The following ASB5 variants were observed in gnomAD, a reference collection of about 807,000 sequenced individuals.
ASB5 encodes the protein ankyrin repeat and SOCS box protein 5.
A neutral mutation model predicts 42.1 loss-of-function variants in ASB5; 45 were observed. That is an observed-to-expected ratio of 1.07 (90% CI 0.84 to 1.37). The LOEUF (loss-of-function observed/expected upper bound fraction) is 1.37. ASB5 is among the 40% of genes most tolerant of loss of function. The pLI is 0.00. For missense variants in ASB5, 402 were observed against 399.8 expected, an observed-to-expected ratio of 1.01 and a Z score of -0.05; for synonymous variants, 147 against 150.6, an observed-to-expected ratio of 0.98 and a Z score of 0.18.
At chr4:176,219,608 A>AG (rs1753141199) in intron 5 of ASB5, among the ~76,000 whole-genome samples, 1 of 122,326 alleles carries the variant, frequency 8.2e-6, no homozygotes, top group African/African-American at 3.1e-5. Flanking sequence ...ATATATATAT[A>AG]TATATATATA....
At chr4:176,253,962 C>A (rs750742129) in intron 1 of ASB5, among the ~76,000 whole-genome samples, 15 of 152,114 alleles carry the variant, frequency 9.9e-5, no homozygotes, top group Non-Finnish European at 1.9e-4. Flanking sequence ...AAATCAGTAT[C>A]GTTAAAATGG....
chr4:176,265,728 C>G (rs1486390125), intron 1 of ASB5, among the ~76,000 whole-genome samples: 1 of 152,136 alleles, frequency 6.6e-6, no homozygotes, highest in Non-Finnish European at 1.5e-5. Context: ...TCCTCATTCT[C>G]TCTGTATACT....
At chr4:176,271,727 T>C (rs562223637), upstream of ASB5, among the ~76,000 whole-genome samples, 3 of 152,270 alleles carry the variant, frequency 2.0e-5, no homozygotes, top group African/African-American at 7.2e-5. Flanking sequence ...TATTTCATCT[T>C]AGGGGGGTGA....
intron 1 of ASB5, among the ~76,000 whole-genome samples, chr4:176,253,131 G>T (rs369942565): frequency 6.6e-6 from 1 of 152,144 alleles, no homozygotes. Flanking sequence ...TGTTGAAGAG[G>T]ATGTTTACTT....
At chr4:176,241,541 T>C (rs1753812270) in intron 1 of ASB5, 1 of 1,528,770 alleles carries the variant, frequency 6.5e-7, no homozygotes, top group Non-Finnish European at 8.7e-7. Flanking sequence ...TGTGCTGCTT[T>C]GGGTTTCTTT....
chr4:176,250,985 T>C lies in ASB5; in HGVS notation c.196+17928A>G, dbSNP rs75384001. 8.0e-3 allele frequency among the ~76,000 whole-genome samples: 1,218 copies of C among 152,262 alleles called. 24 individuals are homozygous for C. Among genetic ancestry groups the C allele is most frequent in the African/African-American group, 0.028 (1,149 of 41,554 alleles). On this transcript the variant is annotated intron_variant, in intron 1 of 6. Transcript: ENST00000296525. ...TCTACCAACTGCCAGCTTGAAATTT[T>C]CAAAGGGTCGCAAATCCATACAAGG...
intron 1 of ASB5, among the ~76,000 whole-genome samples, chr4:176,239,982 T>G (rs1304802721): frequency 6.6e-6 from 1 of 152,176 alleles, no homozygotes; most frequent in African/African-American, 2.4e-5. Flanking sequence ...GTGTGCTCAG[T>G]GTACGTTCTG....
At chr4:176,252,132 C>T (rs540603676) in intron 1 of ASB5, among the ~76,000 whole-genome samples, 16 of 147,992 alleles carry the variant, frequency 1.1e-4, no homozygotes, top group African/African-American at 3.0e-4. Flanking sequence ...TTTTATTTGG[C>T]GGAGTGTGCA....
rs184616589 is a variant in ASB5 at position 176,214,828 on chromosome 4, G to A, written c.*772C>T. ...ATTTCTGAAATGGAAGAAGGCTGGA[G>A]TAATATGCATATAACCGCCTTGATA... On this transcript the variant is annotated 3_prime_UTR_variant, in exon 7 of 7. Coordinates refer to ENST00000296525, the MANE Select transcript of ASB5 (RefSeq NM_080874.4). The A allele has an allele frequency of 5.3e-5, 8 of 152,260 alleles. No individual in the cohort carries two copies. Among genetic ancestry groups the A allele is most frequent in the African/African-American group, 1.9e-4 (8 of 41,552 alleles). The allele number at this position is 152,260 out of a possible 1,614,324, so 9.4% of individuals were successfully genotyped here. A position where few individuals can be genotyped will look rare whatever the true frequency, so the allele number is the denominator to read the frequency against.
chr4:176,217,192 T>C (rs1752997367), intron 5 of ASB5, among the ~76,000 whole-genome samples, 183 bp from the exon 6 acceptor site: 1 of 152,200 alleles, frequency 6.6e-6, no homozygotes, highest in Admixed American at 6.6e-5. Context: ...ATGCCTCATA[T>C]GTACATATAC....
chr4:176,247,391 T>C (rs1190854627), intron 1 of ASB5, among the ~76,000 whole-genome samples: 1 of 152,130 alleles, frequency 6.6e-6, no homozygotes, highest in Non-Finnish European at 1.5e-5. Flanking sequence ...GCCAAAACTA[T>C]GAAAAAATAG....
At chr4:176,220,560 A>G (rs1753175338) in intron 5 of ASB5, among the ~76,000 whole-genome samples, 1 of 152,134 alleles carries the variant, frequency 6.6e-6, no homozygotes, top group Non-Finnish European at 1.5e-5. Flanking sequence ...GGTAAGTGGG[A>G]CCACTATGGC....
intron 1 of ASB5, among the ~76,000 whole-genome samples, chr4:176,241,086 C>T (rs1486774217): frequency 6.6e-6 from 1 of 152,184 alleles, no homozygotes; most frequent in East Asian, 1.9e-4. Context: ...TATATAATTT[C>T]ATCCATAAAT....
rs2126934976 is a variant in ASB5, at chr4:176,215,255, A to G, written c.*345T>C. On this transcript the variant is annotated 3_prime_UTR_variant, in exon 7 of 7. Transcript: ENST00000296525. ...AGTTAACCCATTAGTTGAAGAACAT[A>G]GACCTTTTTAAATATAATATGAATA... 6.3e-6 allele frequency: 1 copy of G among 159,654 alleles called. No homozygotes were observed. The highest frequency in any genetic ancestry group is 2.0e-4 in the South Asian group (1 of 5,050). The allele number at this position is 159,654 out of a possible 1,614,324, so 9.9% of individuals were successfully genotyped here.
chr4:176,261,102 T>G (rs1287352492), intron 1 of ASB5, among the ~76,000 whole-genome samples: 1 of 152,218 alleles, frequency 6.6e-6, no homozygotes, highest in Non-Finnish European at 1.5e-5. Flanking sequence ...AATGGCATGG[T>G]TTATCTGTCA....
At chr4:176,259,847 T>C (rs192690907) in intron 1 of ASB5, among the ~76,000 whole-genome samples, 309 of 152,250 alleles carry the variant, frequency 2.0e-3, no homozygotes, top group Non-Finnish European at 2.9e-3. Context: ...CTGGAAAGAG[T>C]ATGTGTATTT....
At chr4:176,218,355 T>C (rs1216952868) in intron 5 of ASB5, among the ~76,000 whole-genome samples, 1 of 104,212 alleles carries the variant, frequency 9.6e-6, no homozygotes, top group Non-Finnish European at 1.8e-5. Context: ...TAAATATATA[T>C]TTGTATGATA....
At chr4:176,224,253 G>GTTTTGTC (rs1753309791) in intron 2 of ASB5, among the ~76,000 whole-genome samples, 1 of 126,228 alleles carries the variant, frequency 7.9e-6, no homozygotes, top group Non-Finnish European at 1.6e-5. Context: ...TTTTTTGAGA[G>GTTTTGTC]GGAGTCTCAC....
intron 1 of ASB5, among the ~76,000 whole-genome samples, chr4:176,248,722 C>T (rs1195453247): frequency 2.6e-5 from 4 of 151,898 alleles, no homozygotes; most frequent in Non-Finnish European, 5.9e-5. Flanking sequence ...AAGTAAATAA[C>T]AAAAGAATAT....
Sources: gnomAD v4.1 joint callset for allele counts (sites outside exome capture counted in the v4.1 genomes callset) on GRCh38, gnomAD v4.1.1 for gene constraint, MANE v1.5 for transcripts, NCBI Gene and HGNC (gene_info 2026-07-23, HGNC 2026-07-21) for gene names.